Variants in PLCB4 observed in about 807,000 individuals in gnomAD.
PLCB4 encodes 1-phosphatidylinositol 4,5-bisphosphate phosphodiesterase beta-4.
PLCB4 carries 77 observed loss-of-function variants against 178.8 expected under a neutral mutation model. The observed-to-expected ratio is 0.43, with a 90% confidence interval of 0.36 to 0.52. The LOEUF is 0.52. Among genes scored for constraint, PLCB4 ranks in the 20% least tolerant of loss-of-function variants. The probability of loss-of-function intolerance (pLI) is 0.00; values close to 1 mark genes in which losing one functional copy is unlikely to be tolerated. For synonymous variants in PLCB4, 496 were observed against 490.8 expected (o/e 1.01, Z -0.14); for missense variants, 1,024 against 1,453.4 (o/e 0.70, Z 4.80).
At chr20:9,372,527 T>G (rs1004073140) in intron 11 of PLCB4, 124 bp downstream of exon 11, 14 of 541,166 alleles carry the variant, frequency 2.6e-5, no homozygotes, top group Non-Finnish European at 3.9e-5. Context: ...TAGTCAGGGT[T>G]ACATTTTTAA....
chr20:9,171,016 T>G (rs1434160072), intron 2 of PLCB4, among the ~76,000 whole-genome samples: 1 of 152,184 alleles, frequency 6.6e-6, no homozygotes, highest in Admixed American at 6.5e-5. Context: ...ACCATGAAAC[T>G]CCCATTTTTG....
chr20:9,358,665 C>A (rs979571160), intron 7 of PLCB4, among the ~76,000 whole-genome samples: 2 of 152,022 alleles, frequency 1.3e-5, no homozygotes, highest in African/African-American at 4.8e-5. Context: ...GAGGCCAAGG[C>A]GGACAGATCA....
chr20:9,142,797 T>C (rs2146880881), intron 2 of PLCB4, among the ~76,000 whole-genome samples: 1 of 152,252 alleles, frequency 6.6e-6, no homozygotes, highest in Non-Finnish European at 1.5e-5. Context: ...TGCTCTGAAA[T>C]AGATATCAGA....
intron 2 of PLCB4, among the ~76,000 whole-genome samples, chr20:9,188,659 G>A (rs1801305183): frequency 7.1e-6 from 1 of 141,030 alleles, no homozygotes; most frequent in African/African-American, 2.8e-5. Flanking sequence ...ATTGTGGAGG[G>A]CTGTCATATA....
At chr20:9,395,744 G>T in intron 19 of PLCB4, 126 bp downstream of exon 19, 2 of 616,136 alleles carry the variant, frequency 3.2e-6, no homozygotes, top group Non-Finnish European at 5.6e-6. Context: ...TGGGAGGATT[G>T]CTTGAGCCCA....
At chr20:9,144,125 G>T (rs868631129) in intron 2 of PLCB4, among the ~76,000 whole-genome samples, 1 of 151,992 alleles carries the variant, frequency 6.6e-6, no homozygotes, top group Non-Finnish European at 1.5e-5. Context: ...TTGAAATAAC[G>T]CATGCAGAAA....
intron 1 of PLCB4, among the ~76,000 whole-genome samples, chr20:9,089,447 G>T (rs1600318807): frequency 6.6e-6 from 1 of 152,060 alleles, no homozygotes; most frequent in East Asian, 1.9e-4. Flanking sequence ...TATAATAGGT[G>T]GTAACCAATA....
Position 9,073,224 on chromosome 20 carries a change from C to G in PLCB4, c.-135+4018C>G, listed in dbSNP as rs542294635. Among the ~76,000 whole-genome samples the G allele has an allele frequency of 2.0e-4, 31 of 152,244 alleles. No homozygotes were observed. In the South Asian group the frequency reaches 2.7e-3, roughly 13 times the overall value. On this transcript the variant is annotated intron_variant, in intron 1 of 39. Transcript: ENST00000378473. Reference sequence around the variant, plus strand: ...TTCCTTAGAAACAGGAAGAAAAAAGCAACTTGAAGTAATTAATTGTAAGCA... The same window carrying G: ...TTCCTTAGAAACAGGAAGAAAAAAGGAACTTGAAGTAATTAATTGTAAGCA...
In PLCB4 at chr20:9,267,040, A is replaced by G. The variant is rs928292211; in HGVS notation, c.-15-40760A>G. Among the ~76,000 whole-genome samples, 2 of 152,246 alleles carry G rather than the reference A, an allele frequency of 1.3e-5. 1 individual carries two copies. The highest frequency in any genetic ancestry group is 1.3e-4 in the Admixed American group (2 of 15,284). On this transcript the variant is annotated intron_variant, in intron 3 of 39. Transcript: ENST00000378473. ...CAAGTTTATGATAAAATGGGTGGAA[A>G]TGGAGCACGACATACTACGTGTATA...
At chr20:9,310,934 T>C (rs1004223427) in intron 4 of PLCB4, among the ~76,000 whole-genome samples, 5 of 152,228 alleles carry the variant, frequency 3.3e-5, no homozygotes, top group African/African-American at 1.2e-4. Context: ...TGTATTGCCA[T>C]GACACTTCTA....
At chr20:9,327,784 A>T (rs2030942566) in intron 4 of PLCB4, among the ~76,000 whole-genome samples, 2 of 152,158 alleles carry the variant, frequency 1.3e-5, no homozygotes, top group Non-Finnish European at 2.9e-5. Flanking sequence ...TCGAAAAAAA[A>T]ATAATAATAA....
chr20:9,472,588 AGTTAATC>A (rs2044263694), intron 36 of PLCB4, among the ~76,000 whole-genome samples, 195 bp from the exon 37 acceptor site: 1 of 152,210 alleles, frequency 6.6e-6, no homozygotes, highest in South Asian at 2.1e-4. Flanking sequence ...TAAAAATATC[AGTTAATC>A]TGAGGGACAC....
intron 3 of PLCB4, among the ~76,000 whole-genome samples, chr20:9,248,038 T>C (rs2094143086): frequency 6.6e-6 from 1 of 152,184 alleles, no homozygotes; most frequent in Admixed American, 6.5e-5. Flanking sequence ...ATGTGTCCTG[T>C]CACACTGAGA....
intron 9 of PLCB4, among the ~76,000 whole-genome samples, chr20:9,367,087 C>T (rs980869437): frequency 6.6e-6 from 1 of 152,178 alleles, no homozygotes; most frequent in African/African-American, 2.4e-5. Context: ...CATTCTGCAT[C>T]CCTGTGAGAC....
chr20:9,225,726 C>G (rs1170498595), intron 3 of PLCB4, among the ~76,000 whole-genome samples: 1 of 152,136 alleles, frequency 6.6e-6, no homozygotes, highest in Non-Finnish European at 1.5e-5. Context: ...ATTTTTTCCC[C>G]TGCATTGGGC....
intron 32 of PLCB4, among the ~76,000 whole-genome samples, chr20:9,452,313 T>C (rs2042816426): frequency 6.6e-6 from 1 of 152,180 alleles, no homozygotes; most frequent in Admixed American, 6.5e-5. Context: ...AAGCCTACCT[T>C]AGAAAGAAAA....
chr20:9,161,814 T>C (rs545009194), intron 2 of PLCB4, among the ~76,000 whole-genome samples: 1 of 152,202 alleles, frequency 6.6e-6, no homozygotes, highest in Non-Finnish European at 1.5e-5. Flanking sequence ...TTTTAGATTC[T>C]ACAAAAAAGA....
rs550762055 is a variant in PLCB4 at position 9,335,261 on chromosome 20, A to G, written c.85-1865A>G. Among the ~76,000 whole-genome samples the G allele has an allele frequency of 5.3e-5, 8 of 152,252 alleles. No homozygotes were observed. The South Asian group carries it at 1.7e-3, about 32-fold the overall frequency. On this transcript the variant is annotated intron_variant, in intron 4 of 39. Transcript: ENST00000378473. ...TAAGACCCGCCATGGCCTTTTGGGT[A>G]ATAGCTAATGCTTTTCAGGTGGCAC...
chr20:9,237,547 G>A (rs2094006861), intron 3 of PLCB4, among the ~76,000 whole-genome samples: 3 of 152,170 alleles, frequency 2.0e-5, no homozygotes, highest in Admixed American at 1.3e-4. Context: ...TACTGCCTCC[G>A]ACTCTCTGGG....
Sources: gnomAD v4.1 joint callset for allele counts (sites outside exome capture counted in the v4.1 genomes callset) on GRCh38, gnomAD v4.1.1 for gene constraint, MANE v1.5 for transcripts, NCBI Gene and HGNC (gene_info 2026-07-23, HGNC 2026-07-21) for gene names.